The following SPATA13 variants were observed in gnomAD, a reference collection of about 807,000 sequenced individuals.
The protein encoded by SPATA13 is spermatogenesis-associated protein 13.
In SPATA13, 50 loss-of-function variants were observed where a neutral mutation model predicts 104.0. That is an observed-to-expected ratio of 0.48 (90% CI 0.38 to 0.61). SPATA13 has a LOEUF of 0.61. Among genes scored for constraint, SPATA13 ranks in the 20% least tolerant of loss-of-function variants. The pLI, the probability that SPATA13 is intolerant of heterozygous loss-of-function variation, is 0.00. For synonymous variants in SPATA13, 606 were observed against 667.5 expected (o/e 0.91, Z 1.42); for missense variants, 1,524 against 1,690.6 (o/e 0.90, Z 1.73).
chr13:24,234,042 A>G (rs1463836229), intron 2 of SPATA13, among the ~76,000 whole-genome samples: 1 of 152,146 alleles, frequency 6.6e-6, no homozygotes, highest in African/African-American at 2.4e-5. Flanking sequence ...ATACCATTAA[A>G]TAGGATTTTC....
intron 2 of SPATA13, among the ~76,000 whole-genome samples, chr13:24,240,377 T>C (rs1289988158): frequency 3.3e-5 from 5 of 152,140 alleles, no homozygotes; most frequent in Admixed American, 3.3e-4. Context: ...TTCTTGAGCC[T>C]AGAAAACGGA....
chr13:24,228,108 C>CTTTTTT lies in SPATA13; in HGVS notation c.1653+3544_1653+3549dup, dbSNP rs71186818. Among the ~76,000 whole-genome samples, 236 of 102,254 alleles carry CTTTTTT rather than the reference C, an allele frequency of 2.3e-3. 7 individuals carry two copies. The highest frequency in any genetic ancestry group is 0.01 in the African/African-American group (221 of 21,342). 67.1% of individuals were successfully genotyped at this position (102,254 alleles called of 152,430 possible). ...AATAGGGTTTCTCCCCTCTTGTACTCTTTTTTTTTTTTTTTTTTTTTTTGA... is the reference window on the plus strand; with the variant it reads ...AATAGGGTTTCTCCCCTCTTGTACTCTTTTTTTTTTTTTTTTTTTTTTTTTTTTTGA... On this transcript the variant is annotated intron_variant, in intron 2 of 12. Transcript: ENST00000382108.
Position 24,224,208 on chromosome 13 carries a change from A to G in SPATA13, c.1279A>G (p.Thr427Ala), listed in dbSNP as rs1161730888. The G allele has an allele frequency of 6.4e-7, 1 of 1,551,700 alleles. No homozygotes were observed. Among genetic ancestry groups the G allele is most frequent in the Non-Finnish European group, 8.7e-7 (1 of 1,146,994 alleles). Reference sequence around the variant, plus strand: ...GGCGGTGGAAAGCGACAGTTCCTGCACTTGCAGCTCTTTGCCAAGCCCGAT... The same window carrying G: ...GGCGGTGGAAAGCGACAGTTCCTGCGCTTGCAGCTCTTTGCCAAGCCCGAT... ...SWAVESDSSC[T>A]CSSLPSPIVQ... The change falls in exon 2 of 13, where the codon ACT becomes GCT. Residue 427 changes from threonine to alanine, a missense_variant. Physicochemically the swap from Thr to Ala is moderately conservative, Grantham distance 58 (BLOSUM62 0). Around this residue, in one of 2 missense-constraint regions of SPATA13, gnomAD observed 1,089 missense variants for 1,135.9 expected, o/e 0.96. Transcript: ENST00000382108.
At chr13:24,291,500 A>T (rs1876343843) in intron 9 of SPATA13, among the ~76,000 whole-genome samples, 1 of 152,194 alleles carries the variant, frequency 6.6e-6, no homozygotes, top group African/African-American at 2.4e-5. Flanking sequence ...AGACCAGGGC[A>T]TTGGGCACCT....
chr13:24,102,530 A>G (rs1880291490), intron 3 of SPATA13, among the ~76,000 whole-genome samples: 1 of 144,578 alleles, frequency 6.9e-6, no homozygotes, highest in African/African-American at 2.6e-5. Context: ...GCTGGAGTGC[A>G]GTGGCGCAAT....
At chr13:24,288,869 A>T in intron 7 of SPATA13, 130 bp from the exon 8 acceptor site, 1 of 758,160 alleles carries the variant, frequency 1.3e-6, no homozygotes, top group Non-Finnish European at 2.0e-6. Context: ...CGATGACCTC[A>T]TCAGAGACTC....
chr13:24,180,993 C>T (rs1347156663), intron 1 of SPATA13, among the ~76,000 whole-genome samples: 1 of 152,182 alleles, frequency 6.6e-6, no homozygotes, highest in East Asian at 1.9e-4. Flanking sequence ...TCCTATACAG[C>T]ATGTGACTGT....
At chr13:24,179,532 T>C (rs1257430933) in intron 1 of SPATA13, among the ~76,000 whole-genome samples, 1 of 152,256 alleles carries the variant, frequency 6.6e-6, no homozygotes, top group Non-Finnish European at 1.5e-5. Context: ...AGTACATTCA[T>C]TGTTATGCAA....
At chr13:24,096,454 C>G (rs1006172616) in intron 3 of SPATA13, among the ~76,000 whole-genome samples, 6 of 151,998 alleles carry the variant, frequency 3.9e-5, no homozygotes, top group African/African-American at 1.4e-4. Context: ...AAAAAAATAG[C>G]TGGGCGTGGT....
Position 24,251,713 on chromosome 13 carries a change from T to G in SPATA13, c.2020-5T>G. Reference sequence around the variant, plus strand: ...CTCCTCACAGATTTTGCTTTCTTTTTGCAGCCGGCTTCCAGGCCGCCCATG... The same window carrying G: ...CTCCTCACAGATTTTGCTTTCTTTTGGCAGCCGGCTTCCAGGCCGCCCATG... On this transcript the variant is annotated splice_polypyrimidine_tract_variant and splice_region_variant and intron_variant, in intron 3 of 12. Transcript: ENST00000382108. 6.2e-7 allele frequency: 1 copy of G among 1,613,486 alleles called. No homozygotes were observed. Among genetic ancestry groups the G allele is most frequent in the Non-Finnish European group, 8.5e-7 (1 of 1,179,526 alleles).
At position 24,058,665 on chromosome 13, in the gene SPATA13, G is replaced by A. The variant is rs137863876; in HGVS notation, c.-112+40964G>A. Reference sequence around the variant, plus strand: ...ATGAAATTCAGATAATTTATTAGTTGCTTATTTTTAAGTTTGATAAAACTT... The same window carrying A: ...ATGAAATTCAGATAATTTATTAGTTACTTATTTTTAAGTTTGATAAAACTT... On this transcript the variant is annotated intron_variant, in intron 3 of 14. Coordinates refer to the SPATA13 transcript ENST00000424834. Among the ~76,000 whole-genome samples the A allele has an allele frequency of 4.5e-3, 690 of 151,942 alleles. 9 individuals are homozygous for A. The highest frequency in any genetic ancestry group is 0.016 in the African/African-American group (655 of 41,498).
chr13:24,040,271 C>G (rs760786931), intron 3 of SPATA13, among the ~76,000 whole-genome samples: 11 of 152,180 alleles, frequency 7.2e-5, no homozygotes, highest in Non-Finnish European at 1.5e-4. Flanking sequence ...GCATCCAGCT[C>G]TGGACAAAGG....
intron 2 of SPATA13, among the ~76,000 whole-genome samples, chr13:24,229,528 GC>G (rs1354261532): frequency 6.6e-6 from 1 of 152,162 alleles, no homozygotes. Flanking sequence ...GACACTGACT[GC>G]CCACTGTGTG....
At chr13:24,246,489 A>G (rs917093135) in intron 2 of SPATA13, among the ~76,000 whole-genome samples, 4 of 152,240 alleles carry the variant, frequency 2.6e-5, no homozygotes, top group Non-Finnish European at 5.9e-5. Flanking sequence ...AAGACAGATT[A>G]GCAAAAGAAA....
In SPATA13 at chr13:24,044,482, C is replaced by G. The variant is rs1566083768; in HGVS notation, c.-112+26781C>G. ...TTTTGACCTCATGATCCGCCCACCT[C>G]GGCCTCCCAAAGTGTTGGGATTACA... On this transcript the variant is annotated intron_variant, in intron 3 of 14. Coordinates refer to the SPATA13 transcript ENST00000424834. Among the ~76,000 whole-genome samples the G allele has an allele frequency of 1.3e-5, 2 of 152,230 alleles. 1 individual carries two copies. The highest frequency in any genetic ancestry group is 3.9e-4 in the East Asian group (2 of 5,178).
intron 1 of SPATA13, among the ~76,000 whole-genome samples, chr13:24,204,449 A>G (rs1870589930): frequency 6.6e-6 from 1 of 152,164 alleles, no homozygotes; most frequent in South Asian, 2.1e-4. Flanking sequence ...ATAACGTAAC[A>G]TTGATGACGA....
intron 4 of SPATA13, 51 bp from the exon 5 acceptor site, chr13:24,284,084 A>C (rs762696792): frequency 1.9e-6 from 3 of 1,555,530 alleles, no homozygotes; most frequent in East Asian, 2.3e-5. Context: ...CATATGAAAA[A>C]ATCTTGTTAG....
chr13:24,028,373 C>G (rs993741495), intron 3 of SPATA13, among the ~76,000 whole-genome samples: 2 of 152,208 alleles, frequency 1.3e-5, no homozygotes, highest in African/African-American at 4.8e-5. Context: ...ATTTTGCCAT[C>G]ATTCTTGAAA....
intron 4 of SPATA13, among the ~76,000 whole-genome samples, chr13:24,267,630 G>A (rs972007142): frequency 2.0e-5 from 3 of 152,130 alleles, no homozygotes; most frequent in African/African-American, 7.2e-5. Context: ...AAAAATTTTT[G>A]TAGAAAATGA....
Sources: allele counts gnomAD v4.1 joint callset (sites outside exome capture counted in the v4.1 genomes callset), GRCh38; gene constraint gnomAD v4.1.1; regional missense constraint gnomAD v4.1.1; transcripts MANE v1.5; gene names NCBI Gene and HGNC (gene_info 2026-07-23, HGNC 2026-07-21).